ZMYM2: variants seen among roughly 807,000 people sequenced by gnomAD.
The protein encoded by ZMYM2 is zinc finger MYM-type containing 2.
ZMYM2 carries 56 observed loss-of-function variants against 162.8 expected under a neutral mutation model. The observed-to-expected ratio is 0.34, with a 90% CI of 0.28 to 0.43. The LOEUF is 0.43. Among genes scored for constraint, ZMYM2 ranks in the 20% least tolerant of loss-of-function variants. The pLI is 1.00. For missense variants in ZMYM2, 1,275 were observed against 1,621.8 expected (o/e 0.79, Z 3.67); for synonymous variants, 510 against 541.6 (o/e 0.94, Z 0.81).
At chr13:19,873,628 C>T in the ZMYM2 span, among the ~76,000 whole-genome samples, 1 of 152,096 alleles carries the variant, frequency 6.6e-6, no homozygotes, top group East Asian at 1.9e-4. Context: ...AGGCTAGTCT[C>T]GAACTCCTGA....
At chr13:19,865,708 C>G in the ZMYM2 span, among the ~76,000 whole-genome samples, 15 of 152,262 alleles carry the variant, frequency 9.9e-5, 1 homozygote, top group Middle Eastern at 3.4e-3. Flanking sequence ...AATTGGGTAA[C>G]ATTTCTTTTT....
In ZMYM2 at chr13:20,088,463, T is replaced by C. The variant is rs116637088; in HGVS notation, c.*2449T>C. 472 of 200,514 alleles carry C rather than the reference T, an allele frequency of 2.4e-3. 1 individual carries two copies. The highest frequency in any genetic ancestry group is 0.011 in the African/African-American group (459 of 43,660). 12.4% of individuals were successfully genotyped at this position (200,514 alleles called of 1,614,324 possible). A position where few individuals can be genotyped will look rare whatever the true frequency, so the allele number is the denominator to read the frequency against. On this transcript the variant is annotated 3_prime_UTR_variant, in exon 25 of 25. Coordinates refer to ENST00000610343, the MANE Select transcript of ZMYM2 (RefSeq NM_197968.4). ...TGCTATATTTTTCTGTTCTGTTTTCTGAAGATTTTGCCATTTAAAATGATC... is the reference window on the plus strand; with the variant it reads ...TGCTATATTTTTCTGTTCTGTTTTCCGAAGATTTTGCCATTTAAAATGATC...
chr13:20,036,929 C>A lies in ZMYM2; in HGVS notation c.2292+20C>A, dbSNP rs771173778. 2.3e-5 allele frequency: 37 copies of A among 1,588,008 alleles called. No homozygotes were observed. Among genetic ancestry groups the A allele is most frequent in the Non-Finnish European group, 3.1e-5 (36 of 1,168,908 alleles). On this transcript the variant is annotated intron_variant, in intron 12 of 24. Transcript: ENST00000610343. ...TACAAGGCGAGTAACTCCTTTATTACAGCAGCTACTTTAACCAGTCTTAAA... is the reference window on the plus strand; with the variant it reads ...TACAAGGCGAGTAACTCCTTTATTAAAGCAGCTACTTTAACCAGTCTTAAA...
At position 20,086,299 on chromosome 13, in the gene ZMYM2, T is replaced by C. The variant is rs1216536625; in HGVS notation, c.*285T>C. 1 of 267,250 alleles carries C rather than the reference T, an allele frequency of 3.7e-6. No homozygotes were observed. The highest frequency in any genetic ancestry group is 7.2e-6 in the Non-Finnish European group (1 of 139,410). 16.6% of individuals were successfully genotyped at this position (267,250 alleles called of 1,614,324 possible). A position where few individuals can be genotyped will look rare whatever the true frequency, so the allele number is the denominator to read the frequency against. ...ACATTACAGAATATGAATGAGAATG[T>C]GCCATGTATAATTTTTTTCTTGTAG... On this transcript the variant is annotated 3_prime_UTR_variant, in exon 25 of 25. Transcript: ENST00000610343.
chr13:19,935,707 G>A, the ZMYM2 span, among the ~76,000 whole-genome samples: 2 of 151,792 alleles, frequency 1.3e-5, no homozygotes, highest in East Asian at 1.9e-4. Context: ...GTGCAGTGGC[G>A]AGATCTCAAC....
At position 20,014,027 on chromosome 13, in the gene ZMYM2, A is replaced by C. The variant is rs572498044; in HGVS notation, c.1513-5520A>C. On this transcript the variant is annotated intron_variant, in intron 6 of 24. Transcript: ENST00000610343. ...ATTCTTTAAATGTTTGGTAGAATTT[A>C]CCTGTGAAGTCATCTGATCTTGGCC... is the stretch of plus-strand genomic sequence containing the variant. Among the ~76,000 whole-genome samples, 29 of 152,228 alleles carry C rather than the reference A, an allele frequency of 1.9e-4. No individual in the cohort carries two copies. In the South Asian group the frequency reaches 5.6e-3, roughly 29 times the overall value.
At chr13:19,978,827 A>G (rs1957029335) in intron 2 of ZMYM2, among the ~76,000 whole-genome samples, 1 of 152,214 alleles carries the variant, frequency 6.6e-6, no homozygotes, top group South Asian at 2.1e-4. Flanking sequence ...ACCTTCACTC[A>G]TATGCTTTAT....
the ZMYM2 span, among the ~76,000 whole-genome samples, chr13:19,935,318 TA>T: frequency 4.0e-5 from 6 of 150,512 alleles, no homozygotes; most frequent in Non-Finnish European, 8.9e-5. Flanking sequence ...GTATTTTTAA[TA>T]GAGACAGGGG....
the ZMYM2 span, among the ~76,000 whole-genome samples, chr13:19,898,039 A>G: frequency 1.3e-5 from 2 of 152,272 alleles, no homozygotes; most frequent in South Asian, 2.1e-4. Context: ...ACAGCAGAAT[A>G]CCCATTTTTC....
At chr13:19,947,234 G>C in the ZMYM2 span, among the ~76,000 whole-genome samples, 1 of 151,224 alleles carries the variant, frequency 6.6e-6, no homozygotes, top group African/African-American at 2.4e-5. Flanking sequence ...CTAATTTTTT[G>C]TATTTTTAGT....
chr13:19,927,313 A>G, the ZMYM2 span, among the ~76,000 whole-genome samples: 1 of 152,216 alleles, frequency 6.6e-6, no homozygotes, highest in Non-Finnish European at 1.5e-5. Context: ...TTTGCCCACT[A>G]GAGGTAGCCA....
At chr13:20,079,740 C>A (rs529158856) in intron 21 of ZMYM2, among the ~76,000 whole-genome samples, 6 of 152,238 alleles carry the variant, frequency 3.9e-5, no homozygotes, top group Admixed American at 3.3e-4. Context: ...ATTAAGTGTT[C>A]GCACTTCATT....
chr13:19,917,824 C>T, the ZMYM2 span, among the ~76,000 whole-genome samples: 5 of 151,442 alleles, frequency 3.3e-5, no homozygotes, highest in Admixed American at 2.0e-4. Flanking sequence ...TTTTAGAGGC[C>T]GAGGCAGGTG....
chr13:19,879,353 A>G, the ZMYM2 span, among the ~76,000 whole-genome samples: 1 of 152,172 alleles, frequency 6.6e-6, no homozygotes, highest in African/African-American at 2.4e-5. Context: ...AGGTGGGCAA[A>G]TTGCTTGAAC....
At chr13:19,956,295 C>G (rs1954516528), upstream of ZMYM2, among the ~76,000 whole-genome samples, 1 of 152,140 alleles carries the variant, frequency 6.6e-6, no homozygotes, top group Non-Finnish European at 1.5e-5. Context: ...TAAGGTTTGT[C>G]CATGTTGTAG....
chr13:20,006,312 T>C, intron 5 of ZMYM2, 62 bp from the exon 6 acceptor site: 1 of 1,460,296 alleles, frequency 6.8e-7, no homozygotes, highest in Non-Finnish European at 9.2e-7. Flanking sequence ...TCAGAATGCT[T>C]TATTATTTAG....
intron 21 of ZMYM2, chr13:20,068,129 AGT>A (rs772212340): frequency 1.1e-5 from 2 of 179,870 alleles, no homozygotes; most frequent in Non-Finnish European, 1.2e-5. Flanking sequence ...GCAGATATAT[AGT>A]GCATGGCTAT....
intron 2 of ZMYM2, among the ~76,000 whole-genome samples, chr13:19,972,048 G>C (rs1594093080): frequency 6.6e-6 from 1 of 152,222 alleles, no homozygotes; most frequent in East Asian, 1.9e-4. Flanking sequence ...GGTCCTATAG[G>C]AGAGAAGAAA....
Position 20,005,066 on chromosome 13 carries a change from T to C in ZMYM2, c.1134-8T>C, listed in dbSNP as rs754887246. On this transcript the variant is annotated splice_polypyrimidine_tract_variant and splice_region_variant and intron_variant, in intron 4 of 24. Coordinates refer to ENST00000610343, the MANE Select transcript of ZMYM2 (RefSeq NM_197968.4). ...ATGGAATTTTAATATGTACCACTTA[T>C]TTTTCAGAGATATAACTACAATGAA... 1.9e-6 allele frequency: 3 copies of C among 1,589,056 alleles called. No homozygotes were observed. The highest frequency in any genetic ancestry group is 2.7e-5 in the African/African-American group (2 of 73,200).
Sources: allele counts gnomAD v4.1 joint callset (sites outside exome capture counted in the v4.1 genomes callset), GRCh38; gene constraint gnomAD v4.1.1; transcripts MANE v1.5; gene names NCBI Gene and HGNC (gene_info 2026-07-23, HGNC 2026-07-21).